KLF8: variants seen among roughly 807,000 people sequenced by gnomAD.
KLF8 encodes KLF transcription factor 8.
KLF8 carries 10 observed loss-of-function variants against 18.2 expected under a neutral mutation model. The ratio of observed to expected loss-of-function variants is 0.55; its 90% CI spans 0.34 to 0.93. The LOEUF (loss-of-function observed/expected upper bound fraction) is 0.93, where lower values mean the gene tolerates loss of function less well. KLF8 is among the 40% of genes least tolerant of loss of function. KLF8 has a pLI of 0.02. For missense variants in KLF8, 264 were observed against 277.9 expected, an observed-to-expected ratio of 0.95 and a Z score of 0.36; for synonymous variants, 109 against 97.3, an observed-to-expected ratio of 1.12 and a Z score of -0.71.
At chrX:56,053,362 G>A in the KLF8 span, among the ~76,000 whole-genome samples, 1 of 111,563 alleles carries the variant, frequency 9.0e-6, no homozygotes, top group Admixed American at 9.5e-5. Context: ...TGAATAAAAT[G>A]TACTTGATCT....
chrX:55,992,471 G>A, the KLF8 span, among the ~76,000 whole-genome samples: 1 of 111,684 alleles, frequency 9.0e-6, no homozygotes, highest in Non-Finnish European at 1.9e-5. Flanking sequence ...CCGTTTTTGT[G>A]CCAGTACCAT....
the KLF8 span, among the ~76,000 whole-genome samples, chrX:56,002,708 CT>C: frequency 8.9e-6 from 1 of 112,239 alleles, no homozygotes; most frequent in African/African-American, 3.2e-5. Flanking sequence ...CTATAAGTTG[CT>C]ATGCTAGTCA....
the KLF8 span, among the ~76,000 whole-genome samples, chrX:56,150,386 C>T: frequency 1.8e-5 from 2 of 111,955 alleles, no homozygotes; most frequent in East Asian, 5.6e-4. Context: ...TTTTAAAATT[C>T]ACAATAATTT....
Position 56,233,102 on chromosome X carries a change from G to T in KLF8, c.-233G>T. On this transcript the variant is annotated 5_prime_UTR_variant, in exon 1 of 6. Transcript: ENST00000468660. ...CTTTGTTTCCCTTGTTCCGAGAGTG[G>T]CCCAGCTGGGTCTGAATCGACTCCC... is the stretch of plus-strand genomic sequence containing the variant. The T allele has an allele frequency of 2.4e-6, 1 of 412,435 alleles. No individual in the cohort carries two copies. The allele number at this position is 412,435 out of a possible 1,213,427, so 34.0% of individuals were successfully genotyped here. A position where few individuals can be genotyped will look rare whatever the true frequency, so the allele number is the denominator to read the frequency against.
the KLF8 span, among the ~76,000 whole-genome samples, chrX:56,085,225 C>T: frequency 9.0e-6 from 1 of 111,191 alleles, no homozygotes; most frequent in Non-Finnish European, 1.9e-5. Flanking sequence ...AATTAAGGTT[C>T]TCCAGAGAAA....
chrX:56,184,651 C>T, the KLF8 span, among the ~76,000 whole-genome samples: 3 of 111,616 alleles, frequency 2.7e-5, no homozygotes, highest in Non-Finnish European at 5.6e-5. Context: ...ACACCTCACA[C>T]GGCCGGGTAC....
At chrX:56,233,410 T>TC (rs1191935048) in intron 1 of KLF8, 69 bp downstream of exon 1, 1 of 810,529 alleles carries the variant, frequency 1.2e-6, no homozygotes, top group African/African-American at 2.0e-5. Flanking sequence ...CCCCTCCCAG[T>TC]CCCCCTGCTC....
At chrX:55,995,952 A>AT in the KLF8 span, among the ~76,000 whole-genome samples, 1 of 111,987 alleles carries the variant, frequency 8.9e-6, no homozygotes, top group Admixed American at 9.4e-5. Context: ...CACTGACAAT[A>AT]TTCTTAAATA....
the KLF8 span, among the ~76,000 whole-genome samples, chrX:55,949,109 C>A: frequency 8.9e-6 from 1 of 111,770 alleles, no homozygotes; most frequent in Non-Finnish European, 1.9e-5. Flanking sequence ...CTTTACAGGG[C>A]AAGGCAAATA....
intron 3 of KLF8, 134 bp downstream of exon 3, chrX:56,265,878 G>GT (rs920497374): frequency 3.8e-6 from 4 of 1,065,563 alleles, no homozygotes; most frequent in South Asian, 2.5e-5. Context: ...CAAAAGTACT[G>GT]TTTTTTATGT....
chrX:56,085,018 C>G, the KLF8 span, among the ~76,000 whole-genome samples: 4 of 111,597 alleles, frequency 3.6e-5, no homozygotes, highest in African/African-American at 1.3e-4. Context: ...AAAGAAAATA[C>G]TTAAGAAGAA....
chrX:55,957,911 G>A, the KLF8 span, among the ~76,000 whole-genome samples: 1 of 111,790 alleles, frequency 8.9e-6, no homozygotes, highest in South Asian at 3.7e-4. Context: ...TATAAAGTGT[G>A]CACTATTACT....
chrX:56,093,618 A>C, the KLF8 span, among the ~76,000 whole-genome samples: 2 of 110,773 alleles, frequency 1.8e-5, no homozygotes, highest in Non-Finnish European at 3.8e-5. Context: ...AAAAAAAAGG[A>C]GTATTAGAGG....
At chrX:56,206,720 G>A in the KLF8 span, among the ~76,000 whole-genome samples, 1 of 112,110 alleles carries the variant, frequency 8.9e-6, no homozygotes. Flanking sequence ...CAAGATGTTG[G>A]TGAATCTACC....
the KLF8 span, among the ~76,000 whole-genome samples, chrX:56,067,629 C>G: frequency 9.0e-6 from 1 of 111,698 alleles, no homozygotes; most frequent in Non-Finnish European, 1.9e-5. Flanking sequence ...CAGCAGAGAG[C>G]CAGGAGAACC....
intron 5 of KLF8, among the ~76,000 whole-genome samples, chrX:56,280,455 C>T (rs938327550): frequency 2.7e-5 from 3 of 111,929 alleles, no homozygotes. Context: ...AGGTTGGTCT[C>T]GAACTTCTGG....
the KLF8 span, among the ~76,000 whole-genome samples, chrX:56,081,406 A>G: frequency 2.7e-5 from 3 of 112,056 alleles, no homozygotes; most frequent in Admixed American, 9.5e-5. Context: ...CGATGTTTAT[A>G]TAAAGGATCA....
chrX:55,953,054 A>G, the KLF8 span, among the ~76,000 whole-genome samples: 1 of 111,439 alleles, frequency 9.0e-6, no homozygotes, highest in Non-Finnish European at 1.9e-5. Context: ...TACATTTTCT[A>G]GTACTCTTGA....
the KLF8 span, among the ~76,000 whole-genome samples, chrX:56,143,312 T>C: frequency 8.9e-6 from 1 of 112,307 alleles, no homozygotes; most frequent in Non-Finnish European, 1.9e-5. Flanking sequence ...CTACTTTCTT[T>C]AAAAAGCCTT....
Sources: gnomAD v4.1 joint callset for allele counts (sites outside exome capture counted in the v4.1 genomes callset) on GRCh38, gnomAD v4.1.1 for gene constraint, MANE v1.5 for transcripts, NCBI Gene and HGNC (gene_info 2026-07-23, HGNC 2026-07-21) for gene names.